Variants in ERBB4 observed in about 807,000 individuals in gnomAD.
The protein encoded by ERBB4 is erb-b2 receptor tyrosine kinase 4.
Under a neutral mutation model 158.0 loss-of-function variants are expected in ERBB4, and 42 were observed. That is an observed-to-expected ratio of 0.27 (90% CI 0.21 to 0.34). The LOEUF is 0.34. ERBB4 is among the 10% of genes least tolerant of loss of function. The pLI is 1.00. For missense variants in ERBB4, 1,333 were observed against 1,624.1 expected (o/e 0.82, Z 3.08); for synonymous variants, 583 against 558.7 (o/e 1.04, Z -0.61).
Position 212,421,389 on chromosome 2 carries a change from T to C in ERBB4, c.82+117060A>G, listed in dbSNP as rs185053678. Among the ~76,000 whole-genome samples the C allele has an allele frequency of 6.3e-3, 966 of 152,300 alleles. 6 individuals are homozygous for C. Among genetic ancestry groups the C allele is most frequent in the Middle Eastern group, 0.024 (7 of 294 alleles). Reference sequence around the variant, plus strand: ...TTTTCAGACTAAAGGCTCTTCATGCTGATAAACTGCATACATATATTGAAC... The same window carrying C: ...TTTTCAGACTAAAGGCTCTTCATGCCGATAAACTGCATACATATATTGAAC... On this transcript the variant is annotated intron_variant, in intron 1 of 27. Coordinates refer to ENST00000342788, the MANE Select transcript of ERBB4 (RefSeq NM_005235.3).
intron 1 of ERBB4, among the ~76,000 whole-genome samples, chr2:212,259,406 A>G (rs1374414051): frequency 6.6e-6 from 1 of 152,188 alleles, no homozygotes. Context: ...AAACCTAAGA[A>G]AGCAACACTT....
intron 1 of ERBB4, among the ~76,000 whole-genome samples, chr2:212,170,653 C>A (rs1231808054): frequency 6.6e-6 from 1 of 152,100 alleles, no homozygotes; most frequent in Non-Finnish European, 1.5e-5. Context: ...GGACTTGGTG[C>A]CCTGTGTCCC....
chr2:211,769,575 T>C (rs769081699), intron 4 of ERBB4, among the ~76,000 whole-genome samples: 4 of 152,104 alleles, frequency 2.6e-5, no homozygotes, highest in African/African-American at 7.2e-5. Context: ...CATCTGCAAA[T>C]TGAGAATCAA....
At position 211,713,654 on chromosome 2, in the gene ERBB4, T is replaced by TAAA; in HGVS notation, c.884-9_884-7dup. ...GGAATCTACCACAAAGTTATCTGAT[T>TAAA]AAAAAAAAAAAAAAGGTAAAATAAG... On this transcript the variant is annotated splice_polypyrimidine_tract_variant and splice_region_variant and intron_variant, in intron 7 of 27. Coordinates refer to ENST00000342788, the MANE Select transcript of ERBB4 (RefSeq NM_005235.3). 10 of 1,247,748 alleles carry TAAA rather than the reference T, an allele frequency of 8.0e-6. No individual in the cohort carries two copies. The highest frequency in any genetic ancestry group is 1.0e-5 in the Non-Finnish European group (9 of 877,866). The allele number at this position is 1,247,748 out of a possible 1,614,324, so 77.3% of individuals were successfully genotyped here.
chr2:211,989,326 T>G (rs2082013361), intron 2 of ERBB4, among the ~76,000 whole-genome samples: 1 of 151,974 alleles, frequency 6.6e-6, no homozygotes, highest in South Asian at 2.1e-4. Context: ...TTCTTGACTT[T>G]TTCTACTTGC....
At chr2:211,574,043 G>A (rs2067819828) in intron 19 of ERBB4, among the ~76,000 whole-genome samples, 2 of 152,142 alleles carry the variant, frequency 1.3e-5, no homozygotes, top group African/African-American at 4.8e-5. Context: ...ACAGTGCCTA[G>A]TAGATACTTA....
chr2:212,013,776 C>T (rs767988120), intron 2 of ERBB4, among the ~76,000 whole-genome samples: 37 of 152,206 alleles, frequency 2.4e-4, no homozygotes, highest in Non-Finnish European at 4.6e-4. Context: ...CCTGCATCAG[C>T]CTCCTGAATA....
intron 17 of ERBB4, among the ~76,000 whole-genome samples, chr2:211,628,476 A>G (rs1461027182): frequency 6.6e-6 from 1 of 152,174 alleles, no homozygotes; most frequent in East Asian, 1.9e-4. Context: ...AGCTTCATCC[A>G]TGTCCCTACA....
chr2:211,592,420 A>G (rs984386653), intron 19 of ERBB4, among the ~76,000 whole-genome samples: 1 of 152,170 alleles, frequency 6.6e-6, no homozygotes, highest in African/African-American at 2.4e-5. Flanking sequence ...AAGGAAAGGG[A>G]GAGTCTAAAA....
At chr2:212,082,520 G>A (rs1348099261) in intron 2 of ERBB4, among the ~76,000 whole-genome samples, 1 of 151,972 alleles carries the variant, frequency 6.6e-6, no homozygotes, top group East Asian at 1.9e-4. Context: ...TATTAGAACA[G>A]GGCTTTTTTA....
At chr2:211,429,435 G>A (rs1252484533) in intron 21 of ERBB4, among the ~76,000 whole-genome samples, 3 of 152,040 alleles carry the variant, frequency 2.0e-5, no homozygotes, top group Non-Finnish European at 2.9e-5. Flanking sequence ...TTTCAAAATA[G>A]GAACTATATA....
At chr2:212,382,971 T>A (rs2090558817) in intron 1 of ERBB4, among the ~76,000 whole-genome samples, 2 of 150,346 alleles carry the variant, frequency 1.3e-5, no homozygotes, top group African/African-American at 4.9e-5. Context: ...ACAAGTGGCA[T>A]TTTTTTTTCT....
chr2:212,101,009 G>A (rs533504507), intron 2 of ERBB4, among the ~76,000 whole-genome samples: 1 of 152,154 alleles, frequency 6.6e-6, no homozygotes, highest in East Asian at 1.9e-4. Context: ...AGTATGAAGT[G>A]TCTGGGATAG....
intron 12 of ERBB4, among the ~76,000 whole-genome samples, 189 bp from the exon 13 acceptor site, chr2:211,679,373 TG>T (rs1377742961): frequency 1.2e-4 from 18 of 152,374 alleles, no homozygotes; most frequent in Admixed American, 3.9e-4. Context: ...TCCTAGTAGC[TG>T]TGTTTGTACA....
At chr2:212,124,589 T>TC in intron 2 of ERBB4, 163 bp downstream of exon 2, 1 of 719,316 alleles carries the variant, frequency 1.4e-6, no homozygotes, top group Non-Finnish European at 2.4e-6. Context: ...TTACTCTTGT[T>TC]CTTTTCCTGG....
chr2:212,082,212 C>T lies in ERBB4; in HGVS notation c.234+42540G>A, dbSNP rs115635311. On this transcript the variant is annotated intron_variant, in intron 2 of 27. Transcript: ENST00000342788. ...AGTGTTTACTATGTCCAGCTTTAGA[C>T]GTAGATTACATATATAGAAATTATT... 2.7e-3 allele frequency among the ~76,000 whole-genome samples: 413 copies of T among 152,012 alleles called. 3 individuals are homozygous for T. The highest frequency in any genetic ancestry group is 9.1e-3 in the African/African-American group (379 of 41,484).
At chr2:211,704,937 TTTTTTGTTTTG>T (rs1292575084) in intron 10 of ERBB4, among the ~76,000 whole-genome samples, 2 of 151,952 alleles carry the variant, frequency 1.3e-5, no homozygotes, top group African/African-American at 4.8e-5. Flanking sequence ...TTATGTAACT[TTTTTTGTTTTG>T]TTTTGTTTTG....
intron 1 of ERBB4, among the ~76,000 whole-genome samples, chr2:212,353,283 T>C (rs2089329589): frequency 6.6e-6 from 1 of 151,666 alleles, no homozygotes; most frequent in South Asian, 2.1e-4. Flanking sequence ...CAAAATAATT[T>C]GTATCATTAT....
chr2:211,875,025 C>CAAAAAAAAAAAA lies in ERBB4; in HGVS notation c.421+72393_421+72404dup, dbSNP rs746636278. 1.7e-3 allele frequency among the ~76,000 whole-genome samples: 45 copies of CAAAAAAAAAAAA among 26,978 alleles called. 1 individual carries two copies. Among genetic ancestry groups the CAAAAAAAAAAAA allele is most frequent in the East Asian group, 2.5e-3 (2 of 790 alleles). The allele number at this position is 26,978 out of a possible 152,430, so 17.7% of individuals were successfully genotyped here. On this transcript the variant is annotated intron_variant, in intron 3 of 27. Coordinates refer to ENST00000342788, the MANE Select transcript of ERBB4 (RefSeq NM_005235.3). ...TATTGTCATGCTTCAAATAGAAATG[C>CAAAAAAAAAAAA]AAAAAAAAAAAAAAAAAAAAAAAAA...
Sources: gnomAD v4.1 joint callset for allele counts (sites outside exome capture counted in the v4.1 genomes callset) on GRCh38, gnomAD v4.1.1 for gene constraint, MANE v1.5 for transcripts, NCBI Gene and HGNC (gene_info 2026-07-23, HGNC 2026-07-21) for gene names.